The following PPP4R3B variants were observed in gnomAD, a reference collection of about 807,000 sequenced individuals.
PPP4R3B encodes the protein protein phosphatase 4 regulatory subunit 3B.
PPP4R3B carries 52 observed loss-of-function variants against 95.4 expected under a neutral mutation model. The ratio of observed to expected loss-of-function variants is 0.54; its 90% CI spans 0.44 to 0.69. The LOEUF (loss-of-function observed/expected upper bound fraction) is 0.69, where lower values mean the gene tolerates loss of function less well. Ranked by LOEUF, PPP4R3B falls within the 30% of genes least tolerant of loss-of-function variation. The probability of loss-of-function intolerance (pLI) is 0.00; values close to 1 mark genes in which losing one functional copy is unlikely to be tolerated. For missense variants in PPP4R3B, 1,003 were observed against 1,005.9 expected, an observed-to-expected ratio of 1.00 and a Z score of 0.04; for synonymous variants, 407 against 343.9, an observed-to-expected ratio of 1.18 and a Z score of -2.03.
chr2:55,611,465 T>C (rs1255796335), intron 2 of PPP4R3B, among the ~76,000 whole-genome samples: 1 of 152,356 alleles, frequency 6.6e-6, no homozygotes, highest in South Asian at 2.1e-4. Context: ...TTTAAATGCT[T>C]AAGTTTATTG....
intron 2 of PPP4R3B, among the ~76,000 whole-genome samples, chr2:55,610,761 T>C (rs1032573795): frequency 1.3e-5 from 2 of 152,220 alleles, no homozygotes; most frequent in Non-Finnish European, 2.9e-5. Context: ...TCATTCTTTA[T>C]CTGTTTCATC....
chr2:55,599,393 G>T (rs1217895140), intron 3 of PPP4R3B, among the ~76,000 whole-genome samples: 1 of 152,024 alleles, frequency 6.6e-6, no homozygotes, highest in Admixed American at 6.6e-5. Flanking sequence ...AGCTGAGATC[G>T]CACCACTGCA....
rs75884475 is a variant in PPP4R3B, at chr2:55,558,272, T to C, written c.2454+503A>G. 9.7e-3 allele frequency among the ~76,000 whole-genome samples: 1,480 copies of C among 152,284 alleles called. 7 individuals carry two copies. Among genetic ancestry groups the C allele is most frequent in the Non-Finnish European group, 0.014 (922 of 68,022 alleles). On this transcript the variant is annotated intron_variant, in intron 16 of 16. Transcript: ENST00000616407. ...TAACACTAAGTAGTCAGTGAAATAT[T>C]AGAATCAACTTAAGTGCTCCAAAAT...
chr2:55,562,790 A>G (rs1686797854), intron 15 of PPP4R3B, among the ~76,000 whole-genome samples: 1 of 152,156 alleles, frequency 6.6e-6, no homozygotes, highest in Admixed American at 6.5e-5. Context: ...ACATACATCT[A>G]AAATCTCATT....
At position 55,548,538 on chromosome 2, in the gene PPP4R3B, T is replaced by A. The variant is rs1316206435; in HGVS notation, c.*1373A>T. The A allele has an allele frequency of 6.6e-6, 1 of 152,590 alleles. No individual in the cohort carries two copies. Among genetic ancestry groups the A allele is most frequent in the Non-Finnish European group, 1.5e-5 (1 of 68,036 alleles). The allele number at this position is 152,590 out of a possible 1,614,324, so 9.5% of individuals were successfully genotyped here. ...TATACTTCATATCTACACAGACAGCTCATCTTTTCCAAACAATAGCCAAAA... is the reference window on the plus strand; with the variant it reads ...TATACTTCATATCTACACAGACAGCACATCTTTTCCAAACAATAGCCAAAA... On this transcript the variant is annotated 3_prime_UTR_variant, in exon 17 of 17. Coordinates refer to ENST00000616407, the MANE Select transcript of PPP4R3B (RefSeq NM_001122964.3).
intron 2 of PPP4R3B, among the ~76,000 whole-genome samples, chr2:55,610,013 C>T (rs1693955626): frequency 6.6e-6 from 1 of 152,040 alleles, no homozygotes; most frequent in African/African-American, 2.4e-5. Flanking sequence ...TTTAATAAGC[C>T]TCAAACCAAA....
intron 2 of PPP4R3B, among the ~76,000 whole-genome samples, chr2:55,609,482 G>A (rs1693866768): frequency 6.6e-6 from 1 of 152,018 alleles, no homozygotes; most frequent in South Asian, 2.1e-4. Flanking sequence ...AGGAGTTCAA[G>A]ACCAGCCTGA....
intron 4 of PPP4R3B, among the ~76,000 whole-genome samples, chr2:55,594,380 A>G (rs1691475619): frequency 6.6e-6 from 1 of 150,634 alleles, no homozygotes; most frequent in South Asian, 2.4e-4. Flanking sequence ...TGTAAATAAC[A>G]GACAGTTCAC....
intron 4 of PPP4R3B, among the ~76,000 whole-genome samples, chr2:55,596,377 C>T (rs1197682179): frequency 6.6e-6 from 1 of 152,058 alleles, no homozygotes; most frequent in Non-Finnish European, 1.5e-5. Context: ...CAAACGAATC[C>T]TCGGGCAACA....
At chr2:55,574,623 T>C (rs889546409) in intron 11 of PPP4R3B, among the ~76,000 whole-genome samples, 1 of 151,778 alleles carries the variant, frequency 6.6e-6, no homozygotes. Flanking sequence ...ATACAGAGTC[T>C]TGCTCTGTCG....
chr2:55,580,302 T>C (rs1689278021), intron 8 of PPP4R3B, among the ~76,000 whole-genome samples: 1 of 152,100 alleles, frequency 6.6e-6, no homozygotes, highest in African/African-American at 2.4e-5. Context: ...ATAAACAACA[T>C]GTAAGTCAGA....
intron 8 of PPP4R3B, 139 bp from the exon 9 acceptor site, chr2:55,579,920 TA>T (rs34952773): frequency 0.21 from 86,833 of 413,268 alleles, 9,653 homozygotes; most frequent in East Asian, 0.3. Context: ...GCAGATACTT[TA>T]AAATACTGTG....
intron 7 of PPP4R3B, among the ~76,000 whole-genome samples, chr2:55,584,505 C>T (rs1689872944): frequency 6.6e-6 from 1 of 152,098 alleles, no homozygotes; most frequent in Non-Finnish European, 1.5e-5. Context: ...CCCTTCCCAC[C>T]CTTTCCCCAA....
intron 7 of PPP4R3B, among the ~76,000 whole-genome samples, chr2:55,584,779 A>G (rs1203460019): frequency 6.6e-6 from 1 of 152,218 alleles, no homozygotes; most frequent in East Asian, 1.9e-4. Flanking sequence ...CATTTCATTA[A>G]CACTTGAAAT....
At chr2:55,563,760 T>C (rs1686929771) in intron 15 of PPP4R3B, among the ~76,000 whole-genome samples, 1 of 152,144 alleles carries the variant, frequency 6.6e-6, no homozygotes, top group African/African-American at 2.4e-5. Context: ...AGAAGTAAAA[T>C]GGTTAGTTCT....
At chr2:55,571,473 G>A (rs1687988082) in intron 12 of PPP4R3B, among the ~76,000 whole-genome samples, 1 of 151,962 alleles carries the variant, frequency 6.6e-6, no homozygotes, top group African/African-American at 2.4e-5. Context: ...CAATCAAAAT[G>A]AACTGGATAC....
intron 3 of PPP4R3B, among the ~76,000 whole-genome samples, chr2:55,600,147 T>TA: frequency 6.6e-6 from 1 of 152,216 alleles, no homozygotes; most frequent in East Asian, 1.9e-4. Context: ...TTTCTCATTA[T>TA]AAGGGGTGGC....
At chr2:55,596,820 C>T (rs554007593) in intron 4 of PPP4R3B, among the ~76,000 whole-genome samples, 4 of 152,142 alleles carry the variant, frequency 2.6e-5, no homozygotes, top group East Asian at 3.9e-4. Context: ...AAAAATTAGT[C>T]GAGTGTGGTG....
chr2:55,582,048 C>T (rs1056888421), intron 7 of PPP4R3B, among the ~76,000 whole-genome samples: 7 of 151,990 alleles, frequency 4.6e-5, no homozygotes, highest in South Asian at 2.1e-4. Context: ...CAGACTCAGG[C>T]GTAAATTTAG....
Sources: gnomAD v4.1 joint callset for allele counts (sites outside exome capture counted in the v4.1 genomes callset) on GRCh38, gnomAD v4.1.1 for gene constraint, MANE v1.5 for transcripts, NCBI Gene and HGNC (gene_info 2026-07-23, HGNC 2026-07-21) for gene names.